ADGRL2: variants seen among roughly 807,000 people sequenced by gnomAD.
ADGRL2 encodes adhesion G protein-coupled receptor L2.
In ADGRL2, 44 loss-of-function variants were observed where a neutral mutation model predicts 157.4. The observed-to-expected ratio is 0.28, with a 90% CI of 0.22 to 0.36. The LOEUF (loss-of-function observed/expected upper bound fraction) is 0.36. ADGRL2 is among the 10% of genes least tolerant of loss of function. The probability of loss-of-function intolerance (pLI) is 1.00; values close to 1 mark genes in which losing one functional copy is unlikely to be tolerated. For missense variants in ADGRL2, 1,510 were observed against 1,768.9 expected (o/e 0.85, Z 2.63); for synonymous variants, 585 against 624.7 (o/e 0.94, Z 0.95).
chr1:81,490,125 A>G (rs1343923449), intron 2 of ADGRL2, among the ~76,000 whole-genome samples: 7 of 147,012 alleles, frequency 4.8e-5, no homozygotes, highest in African/African-American at 1.0e-4. Flanking sequence ...GCGACTTAAC[A>G]TATTCTTTTT....
intron 3 of ADGRL2, among the ~76,000 whole-genome samples, chr1:81,667,077 C>A (rs1164972099): frequency 1.3e-5 from 2 of 152,136 alleles, no homozygotes; most frequent in Admixed American, 1.3e-4. Flanking sequence ...TATAATACTA[C>A]AAAGAAGCAA....
intron 23 of ADGRL2, chr1:81,989,540 A>C (rs1664143616): frequency 1.5e-6 from 1 of 683,882 alleles, no homozygotes; most frequent in South Asian, 2.0e-5. Context: ...GAAAAATAAA[A>C]GGCTGCTATT....
chr1:81,537,598 T>A (rs1279660726), intron 2 of ADGRL2, among the ~76,000 whole-genome samples: 3 of 152,146 alleles, frequency 2.0e-5, no homozygotes, highest in African/African-American at 7.2e-5. Context: ...CATGACTATT[T>A]CTAATGAAAA....
intron 3 of ADGRL2, among the ~76,000 whole-genome samples, chr1:81,594,330 G>A (rs370437734): frequency 1.8e-4 from 27 of 152,276 alleles, no homozygotes; most frequent in Middle Eastern, 3.4e-3. Context: ...TTCAAAAATA[G>A]TTAATGAAAC....
intron 2 of ADGRL2, among the ~76,000 whole-genome samples, chr1:81,883,250 T>G (rs570189086): frequency 6.6e-6 from 1 of 152,316 alleles, no homozygotes; most frequent in Admixed American, 6.5e-5. Flanking sequence ...TAAAAAATTA[T>G]AACATTCTAA....
In ADGRL2 at chr1:81,969,351, T is replaced by G. The variant is rs1487959978; in HGVS notation, c.2697T>G (p.Phe899Leu). 1.9e-6 allele frequency: 3 copies of G among 1,613,980 alleles called. No individual in the cohort carries two copies. Among genetic ancestry groups the G allele is most frequent in the Non-Finnish European group, 2.5e-6 (3 of 1,179,888 alleles). ...NLCINLFIAE[F>L]IFLIGIDKTK... The stretch of plus-strand genomic sequence containing the variant: ...GTATCAACCTTTTCATTGCTGAATT[T>G]ATTTTCCTAATAGGCATTGATAAGA... The change falls in exon 15 of 24, where the codon TTT becomes TTG. Residue 899 changes from phenylalanine to leucine, a missense_variant. This residue lies in a region of ADGRL2 where 497 missense variants were observed against 627.2 expected (regional missense o/e 0.79). Coordinates refer to ENST00000686636, the MANE Select transcript of ADGRL2 (RefSeq NM_001366006.2).
chr1:81,771,688 A>G (rs1302854545), intron 2 of ADGRL2, among the ~76,000 whole-genome samples: 2 of 121,186 alleles, frequency 1.7e-5, no homozygotes, highest in African/African-American at 2.9e-5. Flanking sequence ...TTTTGAATCA[A>G]AAGAAAATCC....
At chr1:81,769,103 T>C (rs1303318618) in intron 2 of ADGRL2, among the ~76,000 whole-genome samples, 1 of 152,094 alleles carries the variant, frequency 6.6e-6, no homozygotes. Flanking sequence ...TTGAATTATC[T>C]TCTACTAACT....
intron 3 of ADGRL2, among the ~76,000 whole-genome samples, chr1:81,581,894 A>C (rs933569745): frequency 6.6e-6 from 1 of 151,672 alleles, no homozygotes; most frequent in Non-Finnish European, 1.5e-5. Context: ...ACACACACAC[A>C]CACACACACA....
chr1:81,629,197 A>G (rs2081964959), intron 3 of ADGRL2, among the ~76,000 whole-genome samples: 1 of 152,222 alleles, frequency 6.6e-6, no homozygotes, highest in Non-Finnish European at 1.5e-5. Context: ...GGTATTTTGA[A>G]AAGAAATAGT....
intron 2 of ADGRL2, among the ~76,000 whole-genome samples, chr1:81,527,428 G>A (rs946607260): frequency 6.6e-6 from 1 of 152,098 alleles, no homozygotes; most frequent in Non-Finnish European, 1.5e-5. Flanking sequence ...AAAAGCGGTC[G>A]AAGTCGAGCA....
chr1:81,502,810 G>A (rs2078882967), intron 2 of ADGRL2: 2 of 1,612,182 alleles, frequency 1.2e-6, no homozygotes, highest in East Asian at 2.2e-5. Flanking sequence ...CTCACCTGCT[G>A]CGGCTACTGC....
At chr1:81,676,543 C>G (rs1237734944) in intron 3 of ADGRL2, among the ~76,000 whole-genome samples, 1 of 151,482 alleles carries the variant, frequency 6.6e-6, no homozygotes, top group South Asian at 2.1e-4. Flanking sequence ...TCAAGTGATT[C>G]CTCTACCTTG....
At chr1:81,895,265 G>A (rs1269474242) in intron 2 of ADGRL2, among the ~76,000 whole-genome samples, 1 of 151,922 alleles carries the variant, frequency 6.6e-6, no homozygotes, top group Non-Finnish European at 1.5e-5. Context: ...TTGTTACACA[G>A]GTAACTTTAT....
At chr1:81,827,050 TAAC>T (rs2091551985) in intron 1 of ADGRL2, among the ~76,000 whole-genome samples, 1 of 152,148 alleles carries the variant, frequency 6.6e-6, no homozygotes, top group South Asian at 2.1e-4. Context: ...ACTGTAATAA[TAAC>T]AATCAGGATA....
chr1:81,834,069 A>G (rs1416967379), intron 1 of ADGRL2, among the ~76,000 whole-genome samples: 1 of 152,144 alleles, frequency 6.6e-6, no homozygotes, highest in Non-Finnish European at 1.5e-5. Context: ...AGTCATAGTC[A>G]TTTATAGTTT....
intron 1 of ADGRL2, among the ~76,000 whole-genome samples, chr1:81,412,167 G>A (rs2076956888): frequency 1.3e-5 from 2 of 152,152 alleles, no homozygotes; most frequent in South Asian, 2.1e-4. Context: ...GAAAAGTTGA[G>A]TAATTTCCCT....
At chr1:81,807,621 A>G (rs1034865317) in intron 1 of ADGRL2, among the ~76,000 whole-genome samples, 5 of 152,030 alleles carry the variant, frequency 3.3e-5, no homozygotes, top group Non-Finnish European at 5.9e-5. Flanking sequence ...TTAGGGAATT[A>G]TAATCCTTGA....
chr1:81,776,168 T>G (rs1427231219), intron 2 of ADGRL2, among the ~76,000 whole-genome samples: 1 of 151,402 alleles, frequency 6.6e-6, no homozygotes, highest in Non-Finnish European at 1.5e-5. Flanking sequence ...TAAATGGAAC[T>G]GTGCCTCAGA....
Sources: allele counts gnomAD v4.1 joint callset (sites outside exome capture counted in the v4.1 genomes callset), GRCh38; gene constraint gnomAD v4.1.1; regional missense constraint gnomAD v4.1.1; transcripts MANE v1.5; gene names NCBI Gene and HGNC (gene_info 2026-07-23, HGNC 2026-07-21).